Variants in SSH2 observed in about 807,000 individuals in gnomAD.
The protein encoded by SSH2 is slingshot protein phosphatase 2.
Under a neutral mutation model 135.2 loss-of-function variants are expected in SSH2, and 37 were observed. That is an observed-to-expected ratio of 0.27 (90% CI 0.21 to 0.36). The LOEUF (loss-of-function observed/expected upper bound fraction) is 0.36. Among genes scored for constraint, SSH2 ranks in the 10% least tolerant of loss-of-function variants. The pLI is 1.00. For synonymous variants in SSH2, 628 were observed against 646.2 expected (o/e 0.97, Z 0.43); for missense variants, 1,408 against 1,765.3 (o/e 0.80, Z 3.63).
chr17:29,636,335 T>A lies in SSH2; in HGVS notation c.1895A>T (p.Asp632Val). 6.2e-7 allele frequency: 1 copy of A among 1,614,214 alleles called. No homozygotes were observed. The highest frequency in any genetic ancestry group is 1.3e-5 in the African/African-American group (1 of 75,050). ...CATAGGCAGTAGGTGGACATTCATG[T>A]CTGCTTTCAGTGCATCTGTCTCCAA... is the stretch of plus-strand genomic sequence containing the variant. ...EDLETDALKADMNVHLLPMEE... is the reference protein window; with the variant it reads ...EDLETDALKAVMNVHLLPMEE... Residue 632 changes from aspartate (D) to valine (V), a missense_variant, in exon 15 of 16, where the codon GAC becomes GTC. By Grantham distance (152) the Asp-to-Val change is radical. This residue lies in a region of SSH2 where 1,080 missense variants were observed against 1,144.5 expected (regional missense o/e 0.94). Coordinates refer to ENST00000540801, the MANE Select transcript of SSH2 (RefSeq NM_001282129.2).
intron 2 of SSH2, among the ~76,000 whole-genome samples, chr17:29,801,091 C>T (rs1181213944): frequency 6.6e-6 from 1 of 152,066 alleles, no homozygotes; most frequent in Non-Finnish European, 1.5e-5. Context: ...TCTCAAACTC[C>T]TGACCTCAAG....
chr17:29,890,659 G>A (rs2066331206), intron 1 of SSH2, among the ~76,000 whole-genome samples: 2 of 152,136 alleles, frequency 1.3e-5, no homozygotes, highest in Non-Finnish European at 2.9e-5. Context: ...CATAGATAAA[G>A]GGGTTTCTTT....
intron 3 of SSH2, among the ~76,000 whole-genome samples, chr17:29,708,380 G>C (rs2039292922): frequency 6.6e-6 from 1 of 152,054 alleles, no homozygotes; most frequent in South Asian, 2.1e-4. Context: ...CTGAGGTCAG[G>C]AGTTCGAGAT....
Position 29,709,027 on chromosome 17 carries a change from G to T in SSH2, c.189-5965C>A, listed in dbSNP as rs868499672. Among the ~76,000 whole-genome samples the T allele has an allele frequency of 3.7e-3, 504 of 137,502 alleles. 1 individual carries two copies. The highest frequency in any genetic ancestry group is 5.1e-3 in the African/African-American group (189 of 37,180). 90.2% of individuals were successfully genotyped at this position (137,502 alleles called of 152,430 possible). A position where few individuals can be genotyped will look rare whatever the true frequency, so the allele number is the denominator to read the frequency against. ...ATATATATATATATAGAGAGAGAGA[G>T]AGAGAGAGAGAGAGAGAGAGAGAGA... On this transcript the variant is annotated intron_variant, in intron 3 of 15. Transcript: ENST00000540801.
In SSH2 at chr17:29,725,217, C is replaced by T. The variant is rs189745460; in HGVS notation, c.189-22155G>A. On this transcript the variant is annotated intron_variant, in intron 3 of 15. Coordinates refer to ENST00000540801, the MANE Select transcript of SSH2 (RefSeq NM_001282129.2). ...AAAAAATTAGCCGGGCATGGTGGTG[C>T]GTGCCTGTAGTCCCAGCTACTCAGG... is the stretch of plus-strand genomic sequence containing the variant. Among the ~76,000 whole-genome samples, 723 of 151,332 alleles carry T rather than the reference C, an allele frequency of 4.8e-3. 5 individuals are homozygous for T. The highest frequency in any genetic ancestry group is 8.3e-3 in the Non-Finnish European group (561 of 67,776).
intron 2 of SSH2, among the ~76,000 whole-genome samples, chr17:29,835,758 C>T (rs1193307282): frequency 2.0e-5 from 3 of 151,850 alleles, no homozygotes; most frequent in Non-Finnish European, 4.4e-5. Flanking sequence ...CTTCTCTTTC[C>T]CTTGTCCCTG....
chr17:29,811,357 C>G (rs1196772893), intron 2 of SSH2, among the ~76,000 whole-genome samples: 2 of 151,694 alleles, frequency 1.3e-5, no homozygotes, highest in African/African-American at 4.8e-5. Context: ...ATGGTTATTG[C>G]CGGCAATATA....
intron 6 of SSH2, among the ~76,000 whole-genome samples, chr17:29,683,814 G>A (rs1598794259): frequency 6.6e-6 from 1 of 152,038 alleles, no homozygotes; most frequent in Admixed American, 6.6e-5. Context: ...GTATGGTGGT[G>A]CATGCCTGTA....
intron 2 of SSH2, among the ~76,000 whole-genome samples, chr17:29,815,454 T>C (rs2042541416): frequency 6.6e-6 from 1 of 152,028 alleles, no homozygotes; most frequent in Admixed American, 6.6e-5. Flanking sequence ...AGAGACGGGG[T>C]TTTGCCATGT....
At chr17:29,848,110 G>T (rs575348835) in intron 2 of SSH2, among the ~76,000 whole-genome samples, 42 of 152,298 alleles carry the variant, frequency 2.8e-4, no homozygotes, top group East Asian at 5.8e-4. Context: ...CTAAGCCCCA[G>T]TTTGGGGGAT....
chr17:29,775,421 G>T (rs933542817), intron 3 of SSH2, among the ~76,000 whole-genome samples: 2 of 150,424 alleles, frequency 1.3e-5, no homozygotes, highest in Admixed American at 6.7e-5. Context: ...CCCATATTAT[G>T]AACTTTTCAT....
intron 3 of SSH2, among the ~76,000 whole-genome samples, chr17:29,772,347 G>A (rs553073728): frequency 3.1e-4 from 46 of 150,770 alleles, no homozygotes; most frequent in African/African-American, 1.1e-3. Flanking sequence ...CCGAGTTCAC[G>A]CCATTCTTCT....
intron 3 of SSH2, chr17:29,716,771 A>C: frequency 4.6e-6 from 2 of 435,096 alleles, no homozygotes; most frequent in East Asian, 5.8e-5. Flanking sequence ...TGCTGTCCCC[A>C]TTTTCTTCCC....
intron 11 of SSH2, among the ~76,000 whole-genome samples, chr17:29,665,929 T>C (rs1361129064): frequency 6.6e-6 from 1 of 152,248 alleles, no homozygotes; most frequent in Non-Finnish European, 1.5e-5. Context: ...AGGTTTCATA[T>C]GTTTGAAAGT....
chr17:29,679,476 C>T (rs1349896379), intron 6 of SSH2, among the ~76,000 whole-genome samples: 4 of 151,412 alleles, frequency 2.6e-5, no homozygotes, highest in South Asian at 4.2e-4. Context: ...GGTGTGATAT[C>T]GGCTCACTGC....
chr17:29,723,039 A>G (rs968347485), intron 3 of SSH2, among the ~76,000 whole-genome samples: 3 of 152,192 alleles, frequency 2.0e-5, no homozygotes, highest in African/African-American at 7.2e-5. Context: ...AGGAGACCTT[A>G]AGCTGCCCAT....
intron 14 of SSH2, among the ~76,000 whole-genome samples, chr17:29,637,804 T>G (rs976350495): frequency 6.8e-6 from 1 of 146,008 alleles, no homozygotes; most frequent in Non-Finnish European, 1.5e-5. Flanking sequence ...AAAATAAAAA[T>G]AAAGAAAGAT....
chr17:29,804,526 T>A (rs751201872), intron 2 of SSH2, among the ~76,000 whole-genome samples: 33 of 152,370 alleles, frequency 2.2e-4, no homozygotes, highest in Non-Finnish European at 4.3e-4. Context: ...GGATGTCTTT[T>A]GTCTTCAATC....
chr17:29,715,009 G>A (rs1369993305), intron 3 of SSH2, among the ~76,000 whole-genome samples: 1 of 152,042 alleles, frequency 6.6e-6, no homozygotes, highest in Admixed American at 6.5e-5. Context: ...TGGGATTACA[G>A]GCACGCACCA....
Sources: allele counts gnomAD v4.1 joint callset (sites outside exome capture counted in the v4.1 genomes callset), GRCh38; gene constraint gnomAD v4.1.1; regional missense constraint gnomAD v4.1.1; transcripts MANE v1.5; gene names NCBI Gene and HGNC (gene_info 2026-07-23, HGNC 2026-07-21).